Variants in FGF10 observed in about 807,000 individuals in gnomAD.
FGF10 encodes FGF-10.
A neutral mutation model predicts 19.8 loss-of-function variants in FGF10; 2 were observed. The ratio of observed to expected loss-of-function variants is 0.10; its 90% CI spans 0.04 to 0.32. FGF10 has a LOEUF of 0.32. Among genes scored for constraint, FGF10 ranks in the 10% least tolerant of loss-of-function variants. The pLI, the probability that FGF10 is intolerant of heterozygous loss-of-function variation, is 1.00. For missense variants in FGF10, 191 were observed against 246.3 expected, an observed-to-expected ratio of 0.78 and a Z score of 1.50; for synonymous variants, 112 against 94.0, an observed-to-expected ratio of 1.19 and a Z score of -1.10.
chr5:44,352,106 G>A (rs2111826379), intron 1 of FGF10, among the ~76,000 whole-genome samples: 1 of 151,706 alleles, frequency 6.6e-6, no homozygotes, highest in Non-Finnish European at 1.5e-5. Context: ...TGAAAGAGGA[G>A]CACATTTGGG....
intron 1 of FGF10, among the ~76,000 whole-genome samples, chr5:44,339,073 G>T (rs73752003): frequency 6.6e-6 from 1 of 152,026 alleles, no homozygotes; most frequent in Non-Finnish European, 1.5e-5. Flanking sequence ...TTCTAAAAGC[G>T]ATCAAAGCAC....
intron 1 of FGF10, among the ~76,000 whole-genome samples, chr5:44,343,947 G>A (rs1355116844): frequency 1.3e-5 from 2 of 151,976 alleles, no homozygotes; most frequent in African/African-American, 4.8e-5. Context: ...TGTAGTAGTG[G>A]TATGTGAATG....
intron 1 of FGF10, among the ~76,000 whole-genome samples, chr5:44,370,537 T>A (rs1013908801): frequency 6.6e-6 from 1 of 152,018 alleles, no homozygotes; most frequent in Non-Finnish European, 1.5e-5. Flanking sequence ...CCATCATCTC[T>A]CTTCTCAAAT....
chr5:44,317,811 A>T (rs374358518), intron 1 of FGF10, among the ~76,000 whole-genome samples: 3 of 152,162 alleles, frequency 2.0e-5, no homozygotes, highest in African/African-American at 7.2e-5. Flanking sequence ...ATTACTTATC[A>T]ATATTGTAAT....
intron 1 of FGF10, among the ~76,000 whole-genome samples, chr5:44,384,635 C>T (rs1210071778): frequency 6.6e-6 from 1 of 152,008 alleles, no homozygotes; most frequent in Non-Finnish European, 1.5e-5. Context: ...CCTGGTTCTG[C>T]CCATGTCTAG....
intron 1 of FGF10, among the ~76,000 whole-genome samples, chr5:44,382,460 G>A (rs1357773399): frequency 6.6e-6 from 1 of 152,166 alleles, no homozygotes; most frequent in Non-Finnish European, 1.5e-5. Flanking sequence ...AGTGTCACTA[G>A]TGGCTTTCCA....
At chr5:44,305,588 G>A (rs1387381549) in intron 2 of FGF10, among the ~76,000 whole-genome samples, 3 of 151,948 alleles carry the variant, frequency 2.0e-5, no homozygotes, top group East Asian at 3.9e-4. Context: ...GGCCCCATGG[G>A]AAAAAATAGA....
intron 1 of FGF10, among the ~76,000 whole-genome samples, chr5:44,324,963 TG>T (rs1324683286): frequency 6.6e-6 from 1 of 152,238 alleles, no homozygotes; most frequent in Non-Finnish European, 1.5e-5. Flanking sequence ...ATAATTTCAA[TG>T]TAGATTATTC....
rs749186551 is a variant in FGF10, at chr5:44,304,974, A to C, written c.*21T>G. The C allele has an allele frequency of 1.4e-4, 232 of 1,611,618 alleles. No homozygotes were observed. Among genetic ancestry groups the C allele is most frequent in the Non-Finnish European group, 1.9e-4 (229 of 1,177,906 alleles). On this transcript the variant is annotated 3_prime_UTR_variant, in exon 3 of 3. Transcript: ENST00000264664. ...GCAAAAGAGCCATTGGTTCTACTGCATCCACAAACGTTGCCTTCCTCTATG... is the reference window on the plus strand; with the variant it reads ...GCAAAAGAGCCATTGGTTCTACTGCCTCCACAAACGTTGCCTTCCTCTATG...
chr5:44,319,980 G>A (rs539050467), intron 1 of FGF10, among the ~76,000 whole-genome samples: 5 of 152,106 alleles, frequency 3.3e-5, no homozygotes, highest in Admixed American at 1.3e-4. Context: ...CCCATCAGTC[G>A]TTACTGCCTG....
chr5:44,316,134 G>T (rs1386389290), intron 1 of FGF10, among the ~76,000 whole-genome samples: 1 of 152,110 alleles, frequency 6.6e-6, no homozygotes, highest in Non-Finnish European at 1.5e-5. Context: ...TGTGAACAAT[G>T]CAAGGAAGGG....
chr5:44,350,449 G>A (rs1211856656), intron 1 of FGF10, among the ~76,000 whole-genome samples: 4 of 150,542 alleles, frequency 2.7e-5, no homozygotes, highest in African/African-American at 7.3e-5. Context: ...GTACTTCTAG[G>A]TAGTAGAATT....
At chr5:44,334,699 C>T (rs1740807585) in intron 1 of FGF10, among the ~76,000 whole-genome samples, 2 of 152,072 alleles carry the variant, frequency 1.3e-5, no homozygotes, top group Admixed American at 1.3e-4. Flanking sequence ...TTTTCAATAT[C>T]AGCCAAATGC....
At position 44,388,849 on chromosome 5, in the gene FGF10, G is replaced by T; in HGVS notation, c.-167C>A. 1.4e-6 allele frequency: 1 copy of T among 717,122 alleles called. No individual in the cohort carries two copies. The highest frequency in any genetic ancestry group is 2.5e-6 in the Non-Finnish European group (1 of 399,930). The allele number at this position is 717,122 out of a possible 1,614,324, so 44.4% of individuals were successfully genotyped here. A position where few individuals can be genotyped will look rare whatever the true frequency, so the allele number is the denominator to read the frequency against. On this transcript the variant is annotated 5_prime_UTR_variant, in exon 1 of 3. Transcript: ENST00000264664. ...ATGCACCAACATCCATAACTCCTCG[G>T]AAAAGCCGGCTGACTCCCCTCGCTC... is the stretch of plus-strand genomic sequence containing the variant.
intron 1 of FGF10, among the ~76,000 whole-genome samples, chr5:44,312,201 C>T (rs17234485): frequency 0.075 from 11,398 of 151,660 alleles, 538 homozygotes; most frequent in Middle Eastern, 0.11. Flanking sequence ...AAGGTACACA[C>T]ACACACACAC....
intron 1 of FGF10, among the ~76,000 whole-genome samples, chr5:44,324,760 C>T (rs1254094528): frequency 6.6e-6 from 1 of 152,122 alleles, no homozygotes; most frequent in African/African-American, 2.4e-5. Context: ...AACAACTTTT[C>T]AACTTGCCAC....
chr5:44,368,771 T>G (rs914112693), intron 1 of FGF10, among the ~76,000 whole-genome samples: 3 of 152,038 alleles, frequency 2.0e-5, no homozygotes, highest in Non-Finnish European at 4.4e-5. Flanking sequence ...GTGAAAGGGA[T>G]CCTCCCGCCT....
chr5:44,358,137 T>A (rs1741392014), intron 1 of FGF10, among the ~76,000 whole-genome samples: 1 of 151,480 alleles, frequency 6.6e-6, no homozygotes, highest in African/African-American at 2.4e-5. Flanking sequence ...TAATTGACAA[T>A]TAGGAAGATT....
intron 1 of FGF10, among the ~76,000 whole-genome samples, chr5:44,360,961 A>G (rs921253152): frequency 6.6e-6 from 1 of 151,704 alleles, no homozygotes; most frequent in Non-Finnish European, 1.5e-5. Flanking sequence ...TAAATTCTCT[A>G]ATTTTCCTAA....
Sources: allele counts gnomAD v4.1 joint callset (sites outside exome capture counted in the v4.1 genomes callset), GRCh38; gene constraint gnomAD v4.1.1; transcripts MANE v1.5; gene names NCBI Gene and HGNC (gene_info 2026-07-23, HGNC 2026-07-21).